The following MR1 variants were observed in gnomAD, a reference collection of about 807,000 sequenced individuals.
The protein encoded by MR1 is major histocompatibility complex, class I-related, also known as major histocompatibility complex class I-related protein 1.
MR1 carries 44 observed loss-of-function variants against 37.8 expected under a neutral mutation model. The observed-to-expected ratio is 1.16, with a 90% CI of 0.91 to 1.50. The LOEUF is 1.50. Among genes scored for constraint, MR1 ranks in the 40% most tolerant of loss-of-function variants. The pLI is 0.00. For missense variants in MR1, 386 were observed against 419.1 expected (o/e 0.92, Z 0.69); for synonymous variants, 153 against 155.8 (o/e 0.98, Z 0.13).
chr1:181,051,265 A>C (rs1485464031), intron 3 of MR1: 2 of 151,854 alleles, frequency 1.3e-5, no homozygotes, highest in African/African-American at 2.4e-5. Context: ...AACAAACAAA[A>C]AAAAAAAAGA....
Position 181,058,009 on chromosome 1 carries a change from T to C in MR1, c.*2744T>C, listed in dbSNP as rs1342576967. Reference sequence around the variant, plus strand: ...TGGGCAACAAGAGTGAAACTCCATCTCAAAAAAATAAAAATAAAATAAGTA... The same window carrying C: ...TGGGCAACAAGAGTGAAACTCCATCCCAAAAAAATAAAAATAAAATAAGTA... On this transcript the variant is annotated 3_prime_UTR_variant, in exon 6 of 6. Transcript: ENST00000367580. 1 of 152,174 alleles carries C rather than the reference T, an allele frequency of 6.6e-6. No homozygotes were observed. The highest frequency in any genetic ancestry group is 6.6e-5 in the Admixed American group (1 of 15,264). The allele number at this position is 152,174 out of a possible 1,614,324, so 9.4% of individuals were successfully genotyped here.
chr1:181,040,091 G>A (rs1201416021), intron 1 of MR1, among the ~76,000 whole-genome samples: 1 of 152,142 alleles, frequency 6.6e-6, no homozygotes, highest in African/African-American at 2.4e-5. Context: ...AGCACTATCT[G>A]TCAGAAGCTG....
chr1:181,048,631 A>G (rs1658073690), intron 1 of MR1, among the ~76,000 whole-genome samples: 1 of 151,992 alleles, frequency 6.6e-6, no homozygotes, highest in African/African-American at 2.4e-5. Context: ...TCATTTATTC[A>G]CCAGAGGCTT....
intron 1 of MR1, among the ~76,000 whole-genome samples, chr1:181,042,632 T>C (rs1371944444): frequency 3.3e-5 from 5 of 151,306 alleles, no homozygotes; most frequent in Admixed American, 1.3e-4. Flanking sequence ...CAAAAACCCG[T>C]CTATACTAAA....
chr1:181,052,792 T>C (rs1658395507), intron 4 of MR1, among the ~76,000 whole-genome samples: 1 of 152,110 alleles, frequency 6.6e-6, no homozygotes, highest in Non-Finnish European at 1.5e-5. Flanking sequence ...CACGAATGGG[T>C]GCAGTGGCTC....
intron 1 of MR1, among the ~76,000 whole-genome samples, chr1:181,038,793 C>T (rs1242727178): frequency 1.3e-5 from 2 of 152,150 alleles, no homozygotes; most frequent in South Asian, 4.1e-4. Context: ...ATTAATCTCT[C>T]TGCACCTATT....
chr1:181,039,165 A>T (rs781618599), intron 1 of MR1, among the ~76,000 whole-genome samples: 1 of 152,228 alleles, frequency 6.6e-6, no homozygotes, highest in South Asian at 2.1e-4. Flanking sequence ...AAAGTTTGTT[A>T]GAAGAATAAG....
At chr1:181,047,864 C>T (rs1271886745) in intron 1 of MR1, among the ~76,000 whole-genome samples, 6 of 151,980 alleles carry the variant, frequency 3.9e-5, no homozygotes, top group Non-Finnish European at 2.9e-5. Context: ...CATGCCACTG[C>T]ACTCCAGCCT....
At chr1:181,049,449 G>A (rs1393821382) in intron 2 of MR1, 137 bp downstream of exon 2, 4 of 1,057,934 alleles carry the variant, frequency 3.8e-6, no homozygotes, top group Non-Finnish European at 5.4e-6. Context: ...GGTTGGTGGA[G>A]TTCAGGGCCT....
intron 3 of MR1, 45 bp downstream of exon 3, chr1:181,050,331 T>C: frequency 6.2e-7 from 1 of 1,609,666 alleles, no homozygotes; most frequent in Non-Finnish European, 8.5e-7. Flanking sequence ...CCTGAACAAC[T>C]GTTTTTATAC....
At chr1:181,040,656 G>T (rs1657507407) in intron 1 of MR1, among the ~76,000 whole-genome samples, 3 of 152,136 alleles carry the variant, frequency 2.0e-5, no homozygotes, top group Non-Finnish European at 4.4e-5. Flanking sequence ...AGTGGTGGAT[G>T]GGTGTGACTG....
chr1:181,053,705 G>A, intron 5 of MR1, 28 bp downstream of exon 5: 1 of 1,486,822 alleles, frequency 6.7e-7, no homozygotes, highest in Non-Finnish European at 9.4e-7. Flanking sequence ...GGGATCCAGG[G>A]GGCTGCAGAC....
chr1:181,038,503 G>A (rs1200448009), intron 1 of MR1, among the ~76,000 whole-genome samples: 1 of 152,238 alleles, frequency 6.6e-6, no homozygotes, highest in Admixed American at 6.5e-5. Flanking sequence ...TAATCAGACT[G>A]TGTTGACCTG....
At chr1:181,034,739 C>A (rs1003854009) in intron 1 of MR1, among the ~76,000 whole-genome samples, 4 of 152,100 alleles carry the variant, frequency 2.6e-5, no homozygotes, top group Middle Eastern at 3.2e-3. Flanking sequence ...GGGCAGTGTC[C>A]AGAACTTAGA....
intron 1 of MR1, among the ~76,000 whole-genome samples, chr1:181,039,875 AAAAAAAG>A (rs1481688490): frequency 2.3e-4 from 35 of 151,932 alleles, no homozygotes; most frequent in African/African-American, 8.0e-4. Context: ...CAAAAAAAAA[AAAAAAAG>A]AAAAAAGAAA....
At chr1:181,051,257 CA>C (rs1313033444) in intron 3 of MR1, 1 of 140,796 alleles carries the variant, frequency 7.1e-6, no homozygotes, top group South Asian at 2.2e-4. Context: ...CCTAAAAAAA[CA>C]AACAAAAAAA....
intron 3 of MR1, chr1:181,051,366 T>C (rs1658308366): frequency 1.3e-5 from 2 of 152,358 alleles, no homozygotes; most frequent in Non-Finnish European, 1.5e-5. Flanking sequence ...GCATTTATTT[T>C]ACTTTTAATG....
rs1461686184 is a variant in MR1 at position 181,056,106 on chromosome 1, C to T, written c.*841C>T. The T allele has an allele frequency of 6.6e-6, 1 of 152,306 alleles. No homozygotes were observed. The highest frequency in any genetic ancestry group is 1.5e-5 in the Non-Finnish European group (1 of 68,136). The allele number at this position is 152,306 out of a possible 1,614,324, so 9.4% of individuals were successfully genotyped here. ...TATGGCCAGGTGCAGTGGCTCACGC[C>T]TGTAATCCCATCACTTTGAGCAGCC... On this transcript the variant is annotated 3_prime_UTR_variant, in exon 6 of 6. Transcript: ENST00000367580.
In MR1 at chr1:181,050,111, C is replaced by T; in HGVS notation, c.429C>T (p.Ile143=). The T allele has an allele frequency of 6.2e-7, 1 of 1,614,212 alleles. No homozygotes were observed. ...CATATGACGGGCAGGATTTCCTGAT[C>T]TTCAATAAAGACACCCTCTCCTGGC... ...QYAYDGQDFL[I]FNKDTLSWLA... The change falls in exon 3 of 6, where the codon ATC becomes ATT. Residue 143 remains isoleucine, a synonymous_variant. Transcript: ENST00000367580.
Sources: allele counts gnomAD v4.1 joint callset (sites outside exome capture counted in the v4.1 genomes callset), GRCh38; gene constraint gnomAD v4.1.1; transcripts MANE v1.5; gene names NCBI Gene and HGNC (gene_info 2026-07-23, HGNC 2026-07-21).